CSMD1: variants seen among roughly 807,000 people sequenced by gnomAD.
The protein encoded by CSMD1 is CUB and Sushi multiple domains 1, also known as CUB and sushi domain-containing protein 1.
CSMD1 carries 213 observed loss-of-function variants against 417.5 expected under a neutral mutation model. The ratio of observed to expected loss-of-function variants is 0.51; its 90% CI spans 0.46 to 0.57. CSMD1 has a LOEUF of 0.57. Ranked by LOEUF, CSMD1 falls within the 20% of genes least tolerant of loss-of-function variation. CSMD1 has a pLI of 0.00. For missense variants in CSMD1, 6,923 were observed against 4,529.7 expected (o/e 1.53, Z -15.17); for synonymous variants, 2,862 against 1,736.8 (o/e 1.65, Z -16.11).
chr8:4,506,135 CT>C (rs1347791295), intron 2 of CSMD1, among the ~76,000 whole-genome samples: 1 of 152,160 alleles, frequency 6.6e-6, no homozygotes, highest in Non-Finnish European at 1.5e-5. Flanking sequence ...AGCCCAGTTA[CT>C]GCTGTATTAG....
chr8:4,383,544 C>G (rs1020515019), intron 3 of CSMD1, among the ~76,000 whole-genome samples: 1 of 152,036 alleles, frequency 6.6e-6, no homozygotes, highest in Non-Finnish European at 1.5e-5. Flanking sequence ...GGTTGTGGTA[C>G]CAGAAGCATT....
chr8:4,323,030 T>A (rs181760819), intron 3 of CSMD1, among the ~76,000 whole-genome samples: 3 of 152,220 alleles, frequency 2.0e-5, no homozygotes, highest in Admixed American at 6.5e-5. Context: ...GCAGCAGGAA[T>A]CTGAGAATAG....
chr8:3,095,064 G>C (rs1815203324), intron 47 of CSMD1, among the ~76,000 whole-genome samples: 1 of 152,160 alleles, frequency 6.6e-6, no homozygotes, highest in East Asian at 1.9e-4. Flanking sequence ...AGATCAAATT[G>C]CAAGCCATGA....
At chr8:3,964,453 C>G (rs1455835642) in intron 5 of CSMD1, among the ~76,000 whole-genome samples, 1 of 152,138 alleles carries the variant, frequency 6.6e-6, no homozygotes, top group Admixed American at 6.6e-5. Context: ...GAAGGAGACA[C>G]AGGTGCTGGT....
At chr8:3,880,094 G>C (rs745670734) in intron 5 of CSMD1, among the ~76,000 whole-genome samples, 1 of 151,742 alleles carries the variant, frequency 6.6e-6, no homozygotes, top group African/African-American at 2.4e-5. Context: ...CCTAACAAAC[G>C]TATTACTAAA....
chr8:4,583,409 T>C (rs908960650), intron 2 of CSMD1, among the ~76,000 whole-genome samples: 2 of 152,072 alleles, frequency 1.3e-5, no homozygotes, highest in Admixed American at 6.5e-5. Flanking sequence ...GCACCCTGTG[T>C]CTAGCTCAGG....
intron 3 of CSMD1, among the ~76,000 whole-genome samples, chr8:4,350,934 C>T (rs1177877546): frequency 6.6e-6 from 1 of 152,182 alleles, no homozygotes; most frequent in African/African-American, 2.4e-5. Flanking sequence ...CCTTCCTTGA[C>T]ACATACTTGC....
At chr8:3,666,460 G>C (rs1322072812) in intron 7 of CSMD1, among the ~76,000 whole-genome samples, 2 of 152,034 alleles carry the variant, frequency 1.3e-5, no homozygotes, top group Non-Finnish European at 1.5e-5. Flanking sequence ...ACTGAATCAC[G>C]ATTGATCCTT....
chr8:4,089,877 C>T (rs772830115), intron 3 of CSMD1, among the ~76,000 whole-genome samples: 1 of 152,126 alleles, frequency 6.6e-6, no homozygotes, highest in Non-Finnish European at 1.5e-5. Flanking sequence ...AGAGAAGTAC[C>T]TGCAGAGCTG....
intron 6 of CSMD1, among the ~76,000 whole-genome samples, chr8:3,719,303 C>G (rs996753556): frequency 2.6e-5 from 4 of 152,098 alleles, no homozygotes; most frequent in Admixed American, 2.6e-4. Context: ...CCTAGAGGCC[C>G]AGATAGCTGA....
intron 5 of CSMD1, among the ~76,000 whole-genome samples, chr8:3,920,404 TTCTAAGACTGTAACA>T (rs1809158779): frequency 6.6e-6 from 1 of 151,972 alleles, no homozygotes; most frequent in South Asian, 2.1e-4. Context: ...GTAGGTTCTT[TTCTAAGACTGTAACA>T]TCTGAAAACA....
chr8:4,136,079 C>A (rs1450431228), intron 3 of CSMD1, among the ~76,000 whole-genome samples: 1 of 152,080 alleles, frequency 6.6e-6, no homozygotes. Context: ...AAAAAATGAA[C>A]TGACTCAGCA....
intron 8 of CSMD1, among the ~76,000 whole-genome samples, chr8:3,601,909 A>G (rs1187112701): frequency 6.6e-6 from 1 of 152,142 alleles, no homozygotes; most frequent in Non-Finnish European, 1.5e-5. Context: ...CTAGAGAGAG[A>G]GAGGGTTATA....
intron 3 of CSMD1, among the ~76,000 whole-genome samples, chr8:4,253,157 C>T (rs1484678236): frequency 6.6e-6 from 1 of 152,148 alleles, no homozygotes; most frequent in Non-Finnish European, 1.5e-5. Flanking sequence ...ACGATAAACT[C>T]ATTAGGAAAC....
At chr8:4,712,787 G>A (rs192761967) in intron 1 of CSMD1, among the ~76,000 whole-genome samples, 1 of 152,096 alleles carries the variant, frequency 6.6e-6, no homozygotes, top group East Asian at 1.9e-4. Context: ...ACTGCCTGTT[G>A]GTTTCGTGCT....
At position 3,407,215 on chromosome 8, in the gene CSMD1, AATAG is replaced by A. The variant is rs1333913164; in HGVS notation, c.2071+680_2071+683del. Among the ~76,000 whole-genome samples the A allele has an allele frequency of 2.0e-5, 3 of 151,194 alleles. No homozygotes were observed. The East Asian group carries it at 5.9e-4, about 30-fold the overall frequency. ...GGATGAATGGATGGATGGGTGAAAT[AATAG>A]ATAAATGGACAAAACGATGGAAGGG... On this transcript the variant is annotated intron_variant, in intron 14 of 69. Transcript: ENST00000635120.
At position 3,430,309 on chromosome 8, in the gene CSMD1, C is replaced by T. The variant is rs1230162729; in HGVS notation, c.1562-20704G>A. Among the ~76,000 whole-genome samples, 4 of 151,926 alleles carry T rather than the reference C, an allele frequency of 2.6e-5. No homozygotes were observed. In the East Asian group the frequency reaches 7.7e-4, roughly 29 times the overall value. ...ACATTTAATAACTGCTTACTATGTGCTGAGAAATGTAGAAATCATTTTGTA... is the reference window on the plus strand; with the variant it reads ...ACATTTAATAACTGCTTACTATGTGTTGAGAAATGTAGAAATCATTTTGTA... On this transcript the variant is annotated intron_variant, in intron 12 of 69. Coordinates refer to ENST00000635120, the MANE Select transcript of CSMD1 (RefSeq NM_033225.6).
chr8:3,837,893 G>C (rs1194894618), intron 5 of CSMD1, among the ~76,000 whole-genome samples: 1 of 152,024 alleles, frequency 6.6e-6, no homozygotes, highest in African/African-American at 2.4e-5. Flanking sequence ...ATTTTCTTCT[G>C]TCACTTGGAA....
intron 6 of CSMD1, among the ~76,000 whole-genome samples, chr8:3,750,025 A>C (rs1200315123): frequency 6.6e-6 from 1 of 152,174 alleles, no homozygotes; most frequent in Non-Finnish European, 1.5e-5. Context: ...AGTGCAAAAA[A>C]TATAGTCATT....
Sources: gnomAD v4.1 joint callset for allele counts (sites outside exome capture counted in the v4.1 genomes callset) on GRCh38, gnomAD v4.1.1 for gene constraint, MANE v1.5 for transcripts, NCBI Gene and HGNC (gene_info 2026-07-23, HGNC 2026-07-21) for gene names.